PXDNL: variants seen among roughly 807,000 people sequenced by gnomAD.
The protein encoded by PXDNL is probable oxidoreductase PXDNL.
PXDNL carries 145 observed loss-of-function variants against 150.8 expected under a neutral mutation model. The observed-to-expected ratio is 0.96, with a 90% CI of 0.84 to 1.10. The LOEUF (loss-of-function observed/expected upper bound fraction) is 1.10, where lower values mean the gene tolerates loss of function less well. PXDNL is among the 50% of genes least tolerant of loss of function. The pLI is 0.00. For synonymous variants in PXDNL, 757 were observed against 725.7 expected (o/e 1.04, Z -0.69); for missense variants, 2,087 against 1,873.9 (o/e 1.11, Z -2.10).
chr8:51,696,753 C>CACATCCCCACACACACACACACACACA (rs1402646727), intron 1 of PXDNL, among the ~76,000 whole-genome samples: 1 of 1,638 alleles, frequency 6.1e-4, no homozygotes, highest in Non-Finnish European at 1.2e-3. Context: ...ACATACCCAC[C>CACATCCCCACACACACACACACACACA]CACACATAGG....
intron 17 of PXDNL, among the ~76,000 whole-genome samples, chr8:51,393,453 G>A (rs1201506193): frequency 1.3e-5 from 2 of 152,212 alleles, no homozygotes; most frequent in Non-Finnish European, 2.9e-5. Flanking sequence ...TGACATCAGA[G>A]CCTTTATTGC....
chr8:51,729,662 G>A (rs188076788), intron 1 of PXDNL, among the ~76,000 whole-genome samples: 8 of 152,234 alleles, frequency 5.3e-5, no homozygotes, highest in African/African-American at 1.9e-4. Context: ...CTCAAATAGA[G>A]GAAATCTTAA....
intron 10 of PXDNL, 68 bp downstream of exon 10, chr8:51,453,451 T>C (rs1809853466): frequency 6.7e-7 from 1 of 1,491,964 alleles, no homozygotes; most frequent in Admixed American, 1.7e-5. Flanking sequence ...TGACATTATT[T>C]AAGTTGAAAA....
chr8:51,434,309 GCT>G (rs1258694399), intron 12 of PXDNL, among the ~76,000 whole-genome samples: 1 of 152,118 alleles, frequency 6.6e-6, no homozygotes, highest in Non-Finnish European at 1.5e-5. Context: ...ACTTCACTCA[GCT>G]CTCTGCTCAA....
At chr8:51,674,651 G>A (rs1815569702) in intron 1 of PXDNL, among the ~76,000 whole-genome samples, 1 of 152,214 alleles carries the variant, frequency 6.6e-6, no homozygotes, top group Admixed American at 6.5e-5. Context: ...GGGGCAGCTT[G>A]CTGTGCTGAG....
At chr8:51,498,338 G>A (rs1292125793) in intron 5 of PXDNL, among the ~76,000 whole-genome samples, 3 of 151,438 alleles carry the variant, frequency 2.0e-5, no homozygotes, top group South Asian at 2.1e-4. Context: ...GTTAAATAAT[G>A]ACTTAATGGG....
At chr8:51,436,145 TA>T in intron 12 of PXDNL, 1 of 516,278 alleles carries the variant, frequency 1.9e-6, no homozygotes. Flanking sequence ...TATGCTTTGT[TA>T]AAAGAACTCT....
chr8:51,494,911 G>A lies in PXDNL; in HGVS notation c.452+4788C>T, dbSNP rs199712156. ...ACAAGGATATCCAGGAATTGAACTC[G>A]GCTCTGCACCAAGCAGACCTAATAG... On this transcript the variant is annotated intron_variant, in intron 5 of 22. Transcript: ENST00000356297. Among the ~76,000 whole-genome samples, 15 of 151,842 alleles carry A rather than the reference G, an allele frequency of 9.9e-5. No individual in the cohort carries two copies. In the East Asian group the frequency reaches 1.2e-3, roughly 12 times the overall value.
chr8:51,659,623 G>A (rs138218025), intron 1 of PXDNL, among the ~76,000 whole-genome samples: 1 of 152,088 alleles, frequency 6.6e-6, no homozygotes, highest in African/African-American at 2.4e-5. Flanking sequence ...GTGCACACCA[G>A]ACTCACCTCA....
chr8:51,322,075 CAG>C (rs1805337543), intron 21 of PXDNL, among the ~76,000 whole-genome samples: 1 of 152,132 alleles, frequency 6.6e-6, no homozygotes, highest in Non-Finnish European at 1.5e-5. Flanking sequence ...TGTGAGGACA[CAG>C]GGAGAAGGTG....
chr8:51,486,750 T>TTATATATATATG (rs1810746926), intron 5 of PXDNL, among the ~76,000 whole-genome samples: 4 of 36,328 alleles, frequency 1.1e-4, no homozygotes, highest in African/African-American at 3.3e-4. Flanking sequence ...GTTAAAAAGT[T>TTATATATATATG]TATATATATA....
At chr8:51,443,088 T>C (rs1044662376) in intron 12 of PXDNL, among the ~76,000 whole-genome samples, 1 of 152,162 alleles carries the variant, frequency 6.6e-6, no homozygotes, top group African/African-American at 2.4e-5. Context: ...TCTGTTCTGA[T>C]CTCTGGCAAC....
At chr8:51,597,285 A>G (rs1813591008) in intron 2 of PXDNL, among the ~76,000 whole-genome samples, 1 of 152,120 alleles carries the variant, frequency 6.6e-6, no homozygotes, top group South Asian at 2.1e-4. Context: ...GTACCAGTAC[A>G]ATGCTGTCTT....
At position 51,346,058 on chromosome 8, in the gene PXDNL, T is replaced by A; in HGVS notation, c.3902-111A>T. Reference sequence around the variant, plus strand: ...GGGCAAGAGTACCAAGAAGAAAGAGTAGAGAGCGAGAGTGAGAGAGACTCA... The same window carrying A: ...GGGCAAGAGTACCAAGAAGAAAGAGAAGAGAGCGAGAGTGAGAGAGACTCA... On this transcript the variant is annotated intron_variant, in intron 19 of 22. Coordinates refer to ENST00000356297, the MANE Select transcript of PXDNL (RefSeq NM_144651.5). 6.0e-6 allele frequency: 4 copies of A among 661,484 alleles called. No individual in the cohort carries two copies. In the East Asian group the frequency reaches 1.1e-4, roughly 18 times the overall value. The allele number at this position is 661,484 out of a possible 1,614,324, so 41.0% of individuals were successfully genotyped here. A position where few individuals can be genotyped will look rare whatever the true frequency, so the allele number is the denominator to read the frequency against.
chr8:51,556,959 C>A, intron 3 of PXDNL, 48 bp from the exon 4 acceptor site: 1 of 1,118,242 alleles, frequency 8.9e-7, no homozygotes, highest in South Asian at 1.3e-5. Flanking sequence ...GTAGAGATAC[C>A]ACATGTCTTA....
intron 4 of PXDNL, among the ~76,000 whole-genome samples, chr8:51,505,171 C>T (rs1415645948): frequency 1.3e-5 from 2 of 152,142 alleles, no homozygotes; most frequent in Non-Finnish European, 2.9e-5. Flanking sequence ...CATCTCGTAT[C>T]TGAGTAAATA....
intron 1 of PXDNL, among the ~76,000 whole-genome samples, chr8:51,694,312 A>G (rs886957934): frequency 2.6e-5 from 4 of 152,142 alleles, no homozygotes; most frequent in African/African-American, 7.2e-5. Flanking sequence ...GCACTGAGCC[A>G]AGATGGTGCT....
intron 4 of PXDNL, among the ~76,000 whole-genome samples, chr8:51,551,138 T>C (rs1812472352): frequency 6.6e-6 from 1 of 152,050 alleles, no homozygotes; most frequent in Non-Finnish European, 1.5e-5. Context: ...AAAAGATCTC[T>C]AAAACAGAAA....
At chr8:51,331,555 T>C (rs960447945) in intron 21 of PXDNL, among the ~76,000 whole-genome samples, 7 of 152,080 alleles carry the variant, frequency 4.6e-5, no homozygotes, top group African/African-American at 1.7e-4. Context: ...CCCTTTTCTT[T>C]CGTAGCTGGG....
Sources: gnomAD v4.1 joint callset for allele counts (sites outside exome capture counted in the v4.1 genomes callset) on GRCh38, gnomAD v4.1.1 for gene constraint, MANE v1.5 for transcripts, NCBI Gene and HGNC (gene_info 2026-07-23, HGNC 2026-07-21) for gene names.